Variants in PTPRD observed in about 807,000 individuals in gnomAD.
The protein encoded by PTPRD is protein tyrosine phosphatase receptor type D.
Under a neutral mutation model 214.5 loss-of-function variants are expected in PTPRD, and 34 were observed. That is an observed-to-expected ratio of 0.16 (90% CI 0.12 to 0.21). PTPRD has a LOEUF of 0.21. Among genes scored for constraint, PTPRD ranks in the 10% least tolerant of loss-of-function variants. The probability of loss-of-function intolerance (pLI) is 1.00; values close to 1 mark genes in which losing one functional copy is unlikely to be tolerated. For synonymous variants in PTPRD, 1,128 were observed against 845.7 expected (o/e 1.33, Z -5.79); for missense variants, 2,545 against 2,398.7 (o/e 1.06, Z -1.27).
In PTPRD at chr9:9,058,739, G is replaced by A. The variant is rs1041142987; in HGVS notation, c.-142-40004C>T. ...GCTGGGACTACAGGCGTGAGCCACCGCGCCCGGCCGAGGGTTTTTTTTTAA... is the reference window on the plus strand; with the variant it reads ...GCTGGGACTACAGGCGTGAGCCACCACGCCCGGCCGAGGGTTTTTTTTTAA... On this transcript the variant is annotated intron_variant, in intron 10 of 45. Coordinates refer to ENST00000381196, the MANE Select transcript of PTPRD (RefSeq NM_002839.4). Among the ~76,000 whole-genome samples the A allele has an allele frequency of 4.6e-5, 7 of 151,702 alleles. No homozygotes were observed. In the South Asian group the frequency reaches 1.2e-3, roughly 27 times the overall value.
At chr9:10,451,458 T>A (rs770055123) in intron 2 of PTPRD, among the ~76,000 whole-genome samples, 4 of 151,696 alleles carry the variant, frequency 2.6e-5, no homozygotes, top group Non-Finnish European at 4.4e-5. Flanking sequence ...GTGGATGAGA[T>A]CCTTAATGAG....
intron 33 of PTPRD, chr9:8,451,832 C>G (rs1175554145): frequency 2.1e-6 from 1 of 472,662 alleles, no homozygotes; most frequent in East Asian, 5.9e-5. Flanking sequence ...CTCTGCCATT[C>G]TTGCAAGATT....
intron 9 of PTPRD, among the ~76,000 whole-genome samples, chr9:9,216,079 C>T (rs1444804859): frequency 2.0e-5 from 3 of 152,120 alleles, no homozygotes; most frequent in Non-Finnish European, 2.9e-5. Flanking sequence ...GATTCCATTC[C>T]TTACTAGCTA....
At chr9:10,026,228 T>G (rs984315972) in intron 4 of PTPRD, among the ~76,000 whole-genome samples, 1 of 152,140 alleles carries the variant, frequency 6.6e-6, no homozygotes, top group Non-Finnish European at 1.5e-5. Flanking sequence ...AAAACTGCCT[T>G]TGGCTAGCTG....
At chr9:8,461,540 C>A (rs1357200782) in intron 32 of PTPRD, among the ~76,000 whole-genome samples, 1 of 151,970 alleles carries the variant, frequency 6.6e-6, no homozygotes, top group Non-Finnish European at 1.5e-5. Context: ...TAATCCATAT[C>A]CACTAACTGC....
chr9:10,001,931 T>C (rs996162812), intron 4 of PTPRD, among the ~76,000 whole-genome samples: 5 of 152,044 alleles, frequency 3.3e-5, no homozygotes, highest in Non-Finnish European at 5.9e-5. Context: ...AAAACGCTTT[T>C]ATACTCCTAC....
At chr9:9,213,873 C>T (rs951046614) in intron 9 of PTPRD, among the ~76,000 whole-genome samples, 29 of 152,238 alleles carry the variant, frequency 1.9e-4, no homozygotes, top group Admixed American at 1.6e-3. Flanking sequence ...TTCTGAGGGT[C>T]TCCTTATCCC....
rs1408087541 is a variant in PTPRD, at chr9:9,581,948, A to C, written c.-286-7167T>G. Among the ~76,000 whole-genome samples, 4 of 152,264 alleles carry C rather than the reference A, an allele frequency of 2.6e-5. No individual in the cohort carries two copies. The East Asian group carries it at 7.7e-4, about 29-fold the overall frequency. The stretch of plus-strand genomic sequence containing the variant: ...ACAAATAAGACAAAAACCATAATAG[A>C]TTTGATATTCTGGTTACTAATGTTT... On this transcript the variant is annotated intron_variant, in intron 7 of 45. Coordinates refer to ENST00000381196, the MANE Select transcript of PTPRD (RefSeq NM_002839.4).
intron 8 of PTPRD, among the ~76,000 whole-genome samples, chr9:9,425,094 T>G (rs2080303834): frequency 6.6e-6 from 1 of 152,112 alleles, no homozygotes; most frequent in African/African-American, 2.4e-5. Context: ...ACATAGAACT[T>G]GGGCTAGACT....
intron 12 of PTPRD, among the ~76,000 whole-genome samples, chr9:8,709,750 T>G (rs538890439): frequency 2.5e-4 from 38 of 152,234 alleles, no homozygotes; most frequent in Middle Eastern, 3.4e-3. Flanking sequence ...TAGATCCTAA[T>G]GGAAGAGTCA....
intron 3 of PTPRD, among the ~76,000 whole-genome samples, chr9:10,256,234 C>T (rs1029080950): frequency 6.6e-6 from 1 of 152,128 alleles, no homozygotes; most frequent in South Asian, 2.1e-4. Context: ...GGGCTGCTGG[C>T]CTAGACCTCT....
intron 9 of PTPRD, among the ~76,000 whole-genome samples, chr9:9,324,561 G>T (rs185950633): frequency 2.6e-5 from 4 of 152,246 alleles, no homozygotes; most frequent in African/African-American, 9.6e-5. Context: ...TTGTAAATCT[G>T]TTTAAGTTAT....
At chr9:10,361,105 C>G (rs868446550) in intron 2 of PTPRD, among the ~76,000 whole-genome samples, 1 of 152,036 alleles carries the variant, frequency 6.6e-6, no homozygotes, top group Non-Finnish European at 1.5e-5. Context: ...GTCTCAAAAA[C>G]AAAACAAACA....
At chr9:9,602,812 C>A (rs548226011) in intron 7 of PTPRD, among the ~76,000 whole-genome samples, 15 of 152,138 alleles carry the variant, frequency 9.9e-5, no homozygotes, top group African/African-American at 2.6e-4. Flanking sequence ...ATGAGGCCTA[C>A]GATGCCAGTC....
chr9:8,417,093 A>G lies in PTPRD; in HGVS notation c.4087-12433T>C, dbSNP rs1056185878. 4.6e-5 allele frequency among the ~76,000 whole-genome samples: 7 copies of G among 152,260 alleles called. No individual in the cohort carries two copies. The East Asian group carries it at 9.7e-4, about 21-fold the overall frequency. ...GATTAAACACCAGATACCTCTGCCAATTTTGGCTTAATGATGCATTCATCC... is the reference window on the plus strand; with the variant it reads ...GATTAAACACCAGATACCTCTGCCAGTTTTGGCTTAATGATGCATTCATCC... On this transcript the variant is annotated intron_variant, in intron 35 of 45. Coordinates refer to ENST00000381196, the MANE Select transcript of PTPRD (RefSeq NM_002839.4).
chr9:8,569,111 C>T (rs1440994508), intron 14 of PTPRD, among the ~76,000 whole-genome samples: 1 of 152,126 alleles, frequency 6.6e-6, no homozygotes, highest in East Asian at 1.9e-4. Context: ...ACACATCTTT[C>T]TTCAGCCTAG....
In PTPRD at chr9:9,446,669, T is replaced by C. The variant is rs149985843; in HGVS notation, c.-236-49187A>G. Among the ~76,000 whole-genome samples, 21 of 152,182 alleles carry C rather than the reference T, an allele frequency of 1.4e-4. No homozygotes were observed. In the East Asian group the frequency reaches 4.1e-3, roughly 29 times the overall value. On this transcript the variant is annotated intron_variant, in intron 8 of 45. Transcript: ENST00000381196. ...AAAAATCCCTGACCTCCAAATGGGA[T>C]CTAATTAAACTAAAGAGCTTCTGTA... is the stretch of plus-strand genomic sequence containing the variant.
At position 9,256,403 on chromosome 9, in the gene PTPRD, T is replaced by G. The variant is rs1426603717; in HGVS notation, c.-202-73040A>C. On this transcript the variant is annotated intron_variant, in intron 9 of 45. Transcript: ENST00000381196. ...AATATCTGCATTTTGGTCCTTACAT[T>G]TTTTTTCTCTCTTTTTTTTCCATTT... Among the ~76,000 whole-genome samples, 5 of 151,972 alleles carry G rather than the reference T, an allele frequency of 3.3e-5. No homozygotes were observed. The South Asian group carries it at 1.0e-3, about 31-fold the overall frequency.
At chr9:8,601,931 C>T (rs1238194238) in intron 14 of PTPRD, among the ~76,000 whole-genome samples, 1 of 152,088 alleles carries the variant, frequency 6.6e-6, no homozygotes, top group African/African-American at 2.4e-5. Flanking sequence ...CTGGAATGGA[C>T]CTCCAGTATG....
Sources: allele counts gnomAD v4.1 joint callset (sites outside exome capture counted in the v4.1 genomes callset), GRCh38; gene constraint gnomAD v4.1.1; transcripts MANE v1.5; gene names NCBI Gene and HGNC (gene_info 2026-07-23, HGNC 2026-07-21).